MRAP2: variants seen among roughly 807,000 people sequenced by gnomAD.
The protein encoded by MRAP2 is melanocortin 2 receptor accessory protein 2.
MRAP2 carries 20 observed loss-of-function variants against 17.4 expected under a neutral mutation model. The ratio of observed to expected loss-of-function variants is 1.15; its 90% confidence interval spans 0.81 to 1.67. MRAP2 has a LOEUF of 1.67. MRAP2 is among the 40% of genes most tolerant of loss of function. MRAP2 has a pLI of 0.00. For missense variants in MRAP2, 238 were observed against 240.0 expected (o/e 0.99, Z 0.05); for synonymous variants, 96 against 88.4 (o/e 1.09, Z -0.48).
the MRAP2 span, among the ~76,000 whole-genome samples, chr6:84,111,228 C>T: frequency 6.6e-6 from 1 of 152,020 alleles, no homozygotes; most frequent in Admixed American, 6.6e-5. Flanking sequence ...GATTTCTTCC[C>T]ATCCATGAGC....
At chr6:84,104,053 C>T in the MRAP2 span, among the ~76,000 whole-genome samples, 1 of 152,208 alleles carries the variant, frequency 6.6e-6, no homozygotes, top group East Asian at 1.9e-4. Context: ...TGTACTTCAA[C>T]AAACTTAATT....
At chr6:84,104,312 C>T in the MRAP2 span, among the ~76,000 whole-genome samples, 1 of 152,156 alleles carries the variant, frequency 6.6e-6, no homozygotes, top group Non-Finnish European at 1.5e-5. Flanking sequence ...GGCCTCTGTG[C>T]CTGGGATGGA....
chr6:84,043,137 C>T (rs1003725615), intron 1 of MRAP2, among the ~76,000 whole-genome samples: 2 of 152,206 alleles, frequency 1.3e-5, no homozygotes, highest in Admixed American at 6.5e-5. Flanking sequence ...AATAACTCCA[C>T]TAATTAGAAC....
intron 1 of MRAP2, among the ~76,000 whole-genome samples, chr6:84,043,148 T>G (rs2129159130): frequency 6.6e-6 from 1 of 152,334 alleles, no homozygotes; most frequent in East Asian, 1.9e-4. Flanking sequence ...TAATTAGAAC[T>G]TAAAGAGTGG....
At chr6:84,127,762 G>A in the MRAP2 span, among the ~76,000 whole-genome samples, 5 of 152,002 alleles carry the variant, frequency 3.3e-5, no homozygotes, top group South Asian at 6.2e-4. Context: ...AGGAAGCTCT[G>A]GTTTTCTGAA....
At chr6:84,081,303 C>CT (rs1440260379) in intron 3 of MRAP2, among the ~76,000 whole-genome samples, 4 of 152,212 alleles carry the variant, frequency 2.6e-5, no homozygotes, top group Admixed American at 2.6e-4. Flanking sequence ...AAGCTGTCAA[C>CT]TTCTCATCCT....
At chr6:84,060,990 C>T (rs1475586129) in intron 2 of MRAP2, among the ~76,000 whole-genome samples, 3 of 151,766 alleles carry the variant, frequency 2.0e-5, no homozygotes, top group Admixed American at 6.6e-5. Context: ...TGAGCCACTG[C>T]GCCTGGCCCT....
chr6:84,116,252 A>G, the MRAP2 span, among the ~76,000 whole-genome samples: 1 of 152,108 alleles, frequency 6.6e-6, no homozygotes, highest in South Asian at 2.1e-4. Context: ...AGCTCCTACA[A>G]TTCCCATTTG....
intron 1 of MRAP2, among the ~76,000 whole-genome samples, chr6:84,038,138 C>T (rs2099486638): frequency 6.6e-6 from 1 of 152,138 alleles, no homozygotes; most frequent in South Asian, 2.1e-4. Context: ...CCAGGTGGGG[C>T]CACATGGGAG....
chr6:84,117,079 G>A, the MRAP2 span, among the ~76,000 whole-genome samples: 46 of 151,438 alleles, frequency 3.0e-4, no homozygotes, highest in African/African-American at 1.1e-3. Flanking sequence ...CTGGAGTGTA[G>A]TGGTGTGATC....
At chr6:84,073,887 T>TG (rs1490549748) in intron 3 of MRAP2, among the ~76,000 whole-genome samples, 3 of 115,392 alleles carry the variant, frequency 2.6e-5, no homozygotes, top group African/African-American at 4.5e-5. Flanking sequence ...TGTGTGTGTG[T>TG]GTTTTTTTTT....
At chr6:84,094,197 G>GC (rs1287783338), downstream of MRAP2, among the ~76,000 whole-genome samples, 6 of 152,178 alleles carry the variant, frequency 3.9e-5, no homozygotes, top group East Asian at 5.8e-4. Context: ...TTTTCAGAGA[G>GC]CCCCCCGTGT....
chr6:84,095,411 C>T (rs750123201), downstream of MRAP2, among the ~76,000 whole-genome samples: 9 of 152,160 alleles, frequency 5.9e-5, no homozygotes, highest in African/African-American at 2.2e-4. Context: ...TGGAAACTGC[C>T]TCCCAAACCT....
chr6:84,091,766 A>T (rs977352336), downstream of MRAP2, among the ~76,000 whole-genome samples: 1 of 152,182 alleles, frequency 6.6e-6, no homozygotes, highest in South Asian at 2.1e-4. Flanking sequence ...CCCTTCTGCA[A>T]ATCAGCTTGC....
the MRAP2 span, among the ~76,000 whole-genome samples, chr6:84,141,465 G>C: frequency 6.6e-6 from 1 of 151,924 alleles, no homozygotes; most frequent in African/African-American, 2.4e-5. Flanking sequence ...ACTCCCAACT[G>C]CCTGATGTTG....
chr6:84,048,195 A>G (rs1425737106), intron 1 of MRAP2, among the ~76,000 whole-genome samples: 1 of 152,142 alleles, frequency 6.6e-6, no homozygotes, highest in Non-Finnish European at 1.5e-5. Context: ...AAACTGCTAT[A>G]CTGTCTTCCA....
the MRAP2 span, among the ~76,000 whole-genome samples, chr6:84,122,266 AAG>A: frequency 6.6e-6 from 1 of 151,704 alleles, no homozygotes; most frequent in South Asian, 2.1e-4. Flanking sequence ...ACAAGAAAAA[AAG>A]AGAACTGCAG....
chr6:84,058,994 C>T (rs1025495788), intron 2 of MRAP2, among the ~76,000 whole-genome samples: 4 of 152,134 alleles, frequency 2.6e-5, no homozygotes, highest in Admixed American at 2.6e-4. Context: ...CATGTACAGA[C>T]AAATCTCTCA....
chr6:84,102,632 T>C, the MRAP2 span, among the ~76,000 whole-genome samples: 37 of 152,300 alleles, frequency 2.4e-4, no homozygotes, highest in African/African-American at 8.7e-4. Context: ...GATAAGCTTG[T>C]GTTGTTTTAA....
Sources: allele counts gnomAD v4.1 joint callset (sites outside exome capture counted in the v4.1 genomes callset), GRCh38; gene constraint gnomAD v4.1.1; transcripts MANE v1.5; gene names NCBI Gene and HGNC (gene_info 2026-07-23, HGNC 2026-07-21).